Variants in SLC44A5 observed in about 807,000 individuals in gnomAD.
SLC44A5 encodes the protein solute carrier family 44 member 5.
A neutral mutation model predicts 101.8 loss-of-function variants in SLC44A5; 57 were observed. The observed-to-expected ratio is 0.56, with a 90% CI of 0.45 to 0.70. The LOEUF (loss-of-function observed/expected upper bound fraction) is 0.70. SLC44A5 is among the 30% of genes least tolerant of loss of function. SLC44A5 has a pLI of 0.00. For missense variants in SLC44A5, 737 were observed against 853.1 expected (o/e 0.86, Z 1.70); for synonymous variants, 281 against 290.9 (o/e 0.97, Z 0.35).
intron 5 of SLC44A5, among the ~76,000 whole-genome samples, chr1:75,287,995 A>G (rs937224183): frequency 2.6e-5 from 4 of 152,130 alleles, no homozygotes; most frequent in Admixed American, 6.5e-5. Context: ...GGTTGTGTGG[A>G]TAAGTATTCA....
At chr1:75,602,152 T>A (rs544401266) in intron 1 of SLC44A5, among the ~76,000 whole-genome samples, 89 of 152,302 alleles carry the variant, frequency 5.8e-4, no homozygotes, top group Non-Finnish European at 7.2e-4. Flanking sequence ...ATAGGTTAAA[T>A]AGGTTAAATG....
intron 4 of SLC44A5, among the ~76,000 whole-genome samples, chr1:75,334,270 T>C (rs1019558822): frequency 3.3e-5 from 5 of 152,228 alleles, no homozygotes; most frequent in Admixed American, 2.6e-4. Context: ...CTCTGGTATA[T>C]AATGCATATT....
At chr1:75,444,337 G>A (rs1665385098) in intron 2 of SLC44A5, among the ~76,000 whole-genome samples, 2 of 117,260 alleles carry the variant, frequency 1.7e-5, no homozygotes, top group Admixed American at 1.9e-4. Context: ...AAGAAAGAAA[G>A]AAGGAGGGAA....
In SLC44A5 at chr1:75,251,285, G is replaced by A. The variant is rs1212972342; in HGVS notation, c.270C>T (p.Thr90=). 6.2e-7 allele frequency: 1 copy of A among 1,611,874 alleles called. No individual in the cohort carries two copies. Among genetic ancestry groups the A allele is most frequent in the East Asian group, 2.2e-5 (1 of 44,782 alleles). The part of the protein sequence containing the change: ...GQKGTPNENK[T]ILFYFNLLRC... ...GTAACAGGTTAAAGTAAAACAAAAT[G>A]GTCTTGTTCCTGTTAAGAAAGAAAA... is the stretch of plus-strand genomic sequence containing the variant. The change falls in exon 7 of 24, where the codon ACC becomes ACT. Residue 90 remains threonine (T), a synonymous_variant. Transcript: ENST00000370859.
chr1:75,236,444 C>T (rs41385949), intron 11 of SLC44A5, among the ~76,000 whole-genome samples: 5,274 of 152,056 alleles, frequency 0.035, 125 homozygotes, highest in Non-Finnish European at 0.052. Flanking sequence ...TGTTACATCT[C>T]CTCCTCCTTG....
chr1:75,377,003 C>A (rs1324237863), intron 3 of SLC44A5, among the ~76,000 whole-genome samples: 1 of 152,124 alleles, frequency 6.6e-6, no homozygotes, highest in Non-Finnish European at 1.5e-5. Flanking sequence ...GAGCTGAAAA[C>A]CAAGGCTCGA....
intron 4 of SLC44A5, among the ~76,000 whole-genome samples, chr1:75,301,426 G>C (rs1370233834): frequency 6.6e-6 from 1 of 152,142 alleles, no homozygotes; most frequent in Non-Finnish European, 1.5e-5. Context: ...AAGGTCAAAG[G>C]TATGGCTTGA....
chr1:75,447,736 T>G (rs962012467), intron 2 of SLC44A5, among the ~76,000 whole-genome samples: 3 of 152,260 alleles, frequency 2.0e-5, no homozygotes, highest in African/African-American at 7.2e-5. Context: ...TCTCTCCTCC[T>G]CTTTATTAAT....
chr1:75,252,571 T>A (rs962744196), intron 6 of SLC44A5, among the ~76,000 whole-genome samples: 1 of 152,178 alleles, frequency 6.6e-6, no homozygotes, highest in Non-Finnish European at 1.5e-5. Flanking sequence ...TAGTTGTTTC[T>A]TCCAAATTCC....
chr1:75,445,533 C>CATAATATATACATATATAT lies in SLC44A5; in HGVS notation c.14-48913_14-48912insATATATATGTATATATTAT, dbSNP rs1557791680. Among the ~76,000 whole-genome samples the CATAATATATACATATATAT allele has an allele frequency of 3.4e-3, 502 of 146,750 alleles. 1 individual carries two copies. Among genetic ancestry groups the CATAATATATACATATATAT allele is most frequent in the African/African-American group, 0.011 (439 of 39,770 alleles). ...CACAATATAATATATGTATATATTA[C>CATAATATATACATATATAT]GTAATATATACATATATATGTATAA... On this transcript the variant is annotated intron_variant, in intron 2 of 23. Coordinates refer to ENST00000370859, the MANE Select transcript of SLC44A5 (RefSeq NM_001130058.2).
At chr1:75,510,586 G>A (rs972996421) in intron 2 of SLC44A5, among the ~76,000 whole-genome samples, 3 of 152,144 alleles carry the variant, frequency 2.0e-5, no homozygotes, top group South Asian at 2.1e-4. Context: ...AACAGGAAAT[G>A]AAAACTCAAA....
At position 75,539,213 on chromosome 1, in the gene SLC44A5, CT is replaced by C. The variant is rs540763323; in HGVS notation, c.13+2221del. ...ATCTCTACTTTAGTCAGATAATTGA[CT>C]TTTTTCACATATCAAAATTTCATTT... is the stretch of plus-strand genomic sequence containing the variant. On this transcript the variant is annotated intron_variant, in intron 2 of 23. Coordinates refer to ENST00000370859, the MANE Select transcript of SLC44A5 (RefSeq NM_001130058.2). 2.4e-3 allele frequency among the ~76,000 whole-genome samples: 359 copies of C among 152,286 alleles called. 3 individuals are homozygous for C. Among genetic ancestry groups the C allele is most frequent in the African/African-American group, 7.8e-3 (325 of 41,560 alleles).
chr1:75,637,372 C>T, the SLC44A5 span, among the ~76,000 whole-genome samples: 1 of 151,832 alleles, frequency 6.6e-6, no homozygotes, highest in African/African-American at 2.4e-5. Context: ...CACTGATGAA[C>T]CTCAAAAAAC....
At chr1:75,455,514 T>A (rs1570329668) in intron 2 of SLC44A5, among the ~76,000 whole-genome samples, 1 of 152,040 alleles carries the variant, frequency 6.6e-6, no homozygotes, top group East Asian at 1.9e-4. Flanking sequence ...AATTAACAAG[T>A]GAGAACTAAT....
chr1:75,238,471 C>G, intron 10 of SLC44A5, 42 bp downstream of exon 10: 1 of 1,512,294 alleles, frequency 6.6e-7, no homozygotes. Context: ...AGTGCAATAA[C>G]AAAATGCATC....
intron 6 of SLC44A5, among the ~76,000 whole-genome samples, chr1:75,252,539 C>T (rs189670501): frequency 2.2e-4 from 34 of 152,324 alleles, no homozygotes; most frequent in Middle Eastern, 6.8e-3. Context: ...ACTCTCCCTA[C>T]AATCCTCACT....
intron 7 of SLC44A5, among the ~76,000 whole-genome samples, chr1:75,250,754 C>T (rs974626519): frequency 6.6e-6 from 1 of 152,128 alleles, no homozygotes; most frequent in African/African-American, 2.4e-5. Flanking sequence ...GTGCTTAAGC[C>T]ACCCTTAAGA....
chr1:75,706,941 T>C, the SLC44A5 span, among the ~76,000 whole-genome samples: 1 of 152,202 alleles, frequency 6.6e-6, no homozygotes, highest in Non-Finnish European at 1.5e-5. Flanking sequence ...GGATGACTGA[T>C]TGTATCTCTA....
chr1:75,541,324 C>T (rs777924664), intron 2 of SLC44A5, 111 bp downstream of exon 2: 2 of 810,550 alleles, frequency 2.5e-6, no homozygotes, highest in East Asian at 2.7e-5. Flanking sequence ...CTTCCAGTGA[C>T]AACATAGTAT....
Sources: gnomAD v4.1 joint callset for allele counts (sites outside exome capture counted in the v4.1 genomes callset) on GRCh38, gnomAD v4.1.1 for gene constraint, MANE v1.5 for transcripts, NCBI Gene and HGNC (gene_info 2026-07-23, HGNC 2026-07-21) for gene names.